Variants in PPARGC1A observed in about 807,000 individuals in gnomAD.
PPARGC1A encodes peroxisome proliferator-activated receptor gamma coactivator 1-alpha.
In PPARGC1A, 25 loss-of-function variants were observed where a neutral mutation model predicts 88.7. That is an observed-to-expected ratio of 0.28 (90% CI 0.21 to 0.39). PPARGC1A has a LOEUF of 0.39. PPARGC1A is among the 10% of genes least tolerant of loss of function. PPARGC1A has a pLI of 1.00. For synonymous variants in PPARGC1A, 363 were observed against 355.6 expected, an observed-to-expected ratio of 1.02 and a Z score of -0.24; for missense variants, 880 against 968.7, an observed-to-expected ratio of 0.91 and a Z score of 1.22.
At chr4:24,214,232 G>A in the PPARGC1A span, among the ~76,000 whole-genome samples, 11 of 152,310 alleles carry the variant, frequency 7.2e-5, no homozygotes, top group African/African-American at 2.2e-4. Context: ...TAATATAGTT[G>A]TAATTATCTA....
intron 2 of PPARGC1A, among the ~76,000 whole-genome samples, chr4:23,839,728 G>A (rs567747958): frequency 6.6e-6 from 1 of 152,212 alleles, no homozygotes; most frequent in South Asian, 2.1e-4. Flanking sequence ...GTTCCACGTG[G>A]GTGGGAGGCC....
chr4:24,083,394 C>A, the PPARGC1A span, among the ~76,000 whole-genome samples: 1 of 152,276 alleles, frequency 6.6e-6, no homozygotes, highest in South Asian at 2.1e-4. Context: ...ATGGAAGGAC[C>A]TCTCCCCAGT....
chr4:24,033,432 C>T, the PPARGC1A span, among the ~76,000 whole-genome samples: 25 of 151,884 alleles, frequency 1.6e-4, no homozygotes, highest in East Asian at 2.9e-3. Flanking sequence ...CACACACACA[C>T]GCATCCACGT....
At chr4:23,857,816 C>T (rs1577536410) in intron 2 of PPARGC1A, among the ~76,000 whole-genome samples, 1 of 151,902 alleles carries the variant, frequency 6.6e-6, no homozygotes, top group East Asian at 2.0e-4. Flanking sequence ...TGATGAGACT[C>T]CTCTTGCAGT....
chr4:23,979,087 A>G, the PPARGC1A span, among the ~76,000 whole-genome samples: 1 of 152,200 alleles, frequency 6.6e-6, no homozygotes, highest in African/African-American at 2.4e-5. Flanking sequence ...CATTCAAAGG[A>G]TAATTTCATG....
chr4:23,922,847 G>A, the PPARGC1A span, among the ~76,000 whole-genome samples: 3 of 152,170 alleles, frequency 2.0e-5, no homozygotes, highest in Non-Finnish European at 4.4e-5. Context: ...ACTAAAGTTT[G>A]TGCTGTTTCA....
the PPARGC1A span, among the ~76,000 whole-genome samples, chr4:24,125,877 C>T: frequency 2.0e-5 from 3 of 152,156 alleles, no homozygotes; most frequent in Non-Finnish European, 2.9e-5. Context: ...TCGCAGGGCT[C>T]CTCGAATAAA....
chr4:24,008,706 A>T, the PPARGC1A span, among the ~76,000 whole-genome samples: 6 of 7,990 alleles, frequency 7.5e-4, no homozygotes, highest in African/African-American at 2.7e-3. Context: ...TTTTGATATA[A>T]AAAAAAAAAA....
chr4:24,148,865 A>G, the PPARGC1A span, among the ~76,000 whole-genome samples: 1 of 152,366 alleles, frequency 6.6e-6, no homozygotes, highest in Non-Finnish European at 1.5e-5. Context: ...AAGGACATTC[A>G]CAAACAGTAG....
At chr4:24,260,937 C>T in the PPARGC1A span, among the ~76,000 whole-genome samples, 1 of 152,144 alleles carries the variant, frequency 6.6e-6, no homozygotes, top group Non-Finnish European at 1.5e-5. Context: ...TGTGAATTTC[C>T]ACCTTGACGC....
At chr4:23,884,201 T>G (rs1249279581) in intron 2 of PPARGC1A, 1 of 152,262 alleles carries the variant, frequency 6.6e-6, no homozygotes, top group Non-Finnish European at 1.5e-5. Context: ...GAATTTTGAC[T>G]GATTTATAAG....
At chr4:24,020,403 C>T in the PPARGC1A span, among the ~76,000 whole-genome samples, 1 of 151,960 alleles carries the variant, frequency 6.6e-6, no homozygotes, top group African/African-American at 2.4e-5. Context: ...TTGACTGTAC[C>T]TATCATTAAT....
chr4:24,099,434 G>A, the PPARGC1A span, among the ~76,000 whole-genome samples: 1 of 151,976 alleles, frequency 6.6e-6, no homozygotes, highest in African/African-American at 2.4e-5. Flanking sequence ...CTGACATTGT[G>A]TTACAAGTTA....
chr4:24,237,286 T>C, the PPARGC1A span, among the ~76,000 whole-genome samples: 1 of 152,144 alleles, frequency 6.6e-6, no homozygotes, highest in Admixed American at 6.5e-5. Flanking sequence ...GCTTCCTCTG[T>C]CTACTTTCCA....
chr4:24,330,156 T>A, the PPARGC1A span, among the ~76,000 whole-genome samples: 1 of 152,344 alleles, frequency 6.6e-6, no homozygotes, highest in South Asian at 2.1e-4. Context: ...TGGGCACAGA[T>A]GCATAAATTC....
chr4:23,802,105 A>T, intron 11 of PPARGC1A, 119 bp downstream of exon 11: 1 of 1,422,418 alleles, frequency 7.0e-7, no homozygotes, highest in Non-Finnish European at 9.7e-7. Flanking sequence ...TAAGGTTCTG[A>T]ACTCAACATG....
the PPARGC1A span, among the ~76,000 whole-genome samples, chr4:24,466,905 A>AAAAAAG: frequency 2.0e-4 from 29 of 145,242 alleles, no homozygotes; most frequent in East Asian, 1.4e-3. Flanking sequence ...AAAAAAGAGG[A>AAAAAAG]AGGAAGGAAG....
chr4:24,309,121 T>C, the PPARGC1A span, among the ~76,000 whole-genome samples: 1,028 of 150,122 alleles, frequency 6.8e-3, 12 homozygotes, highest in African/African-American at 0.024. Context: ...TTTCACAAGG[T>C]TCATATTTTA....
the PPARGC1A span, among the ~76,000 whole-genome samples, chr4:24,216,004 T>G: frequency 6.6e-6 from 1 of 152,264 alleles, no homozygotes; most frequent in South Asian, 2.1e-4. Flanking sequence ...ATCTGCTGTT[T>G]AAATGTGTGT....
Sources: gnomAD v4.1 joint callset for allele counts (sites outside exome capture counted in the v4.1 genomes callset) on GRCh38, gnomAD v4.1.1 for gene constraint, MANE v1.5 for transcripts, NCBI Gene and HGNC (gene_info 2026-07-23, HGNC 2026-07-21) for gene names.